DNMBP: variants seen among roughly 807,000 people sequenced by gnomAD.
The protein encoded by DNMBP is dynamin-binding protein.
Under a neutral mutation model 150.0 loss-of-function variants are expected in DNMBP, and 87 were observed. The observed-to-expected ratio is 0.58, with a 90% CI of 0.49 to 0.69. DNMBP has a LOEUF of 0.69. Ranked by LOEUF, DNMBP falls within the 30% of genes least tolerant of loss-of-function variation. The probability of loss-of-function intolerance (pLI) is 0.00; values close to 1 mark genes in which losing one functional copy is unlikely to be tolerated. For missense variants in DNMBP, 1,774 were observed against 1,949.0 expected (o/e 0.91, Z 1.69); for synonymous variants, 711 against 750.4 (o/e 0.95, Z 0.86).
intron 3 of DNMBP, among the ~76,000 whole-genome samples, chr10:99,958,734 G>A (rs2040527442): frequency 6.6e-6 from 1 of 152,206 alleles, no homozygotes; most frequent in Admixed American, 6.5e-5. Context: ...GAATAACTGA[G>A]TAGCTAATTG....
In DNMBP at chr10:99,972,149, C is replaced by A; in HGVS notation, c.-10-15G>T. ...TGTTTTATAACCTGGAAAGATAGAT[C>A]AAGAGAAATAGAAAACATCAATATT... On this transcript the variant is annotated splice_polypyrimidine_tract_variant and intron_variant, in intron 1 of 16. Coordinates refer to ENST00000324109, the MANE Select transcript of DNMBP (RefSeq NM_015221.4). 1 of 1,596,820 alleles carries A rather than the reference C, an allele frequency of 6.3e-7. No individual in the cohort carries two copies. The highest frequency in any genetic ancestry group is 1.1e-5 in the South Asian group (1 of 88,170).
At chr10:99,920,079 A>AT (rs567625840) in intron 4 of DNMBP, among the ~76,000 whole-genome samples, 8,702 of 145,658 alleles carry the variant, frequency 0.06, 274 homozygotes, top group South Asian at 0.11. Context: ...CTATATTTCC[A>AT]TTTTTTTTTT....
chr10:99,903,340 G>GT (rs1167165766), intron 6 of DNMBP, among the ~76,000 whole-genome samples: 52 of 148,902 alleles, frequency 3.5e-4, no homozygotes, highest in South Asian at 1.1e-3. Flanking sequence ...TTTTTGTTTT[G>GT]TTTTTTTTTA....
Position 99,886,527 on chromosome 10 carries a change from A to C in DNMBP, c.3391T>G (p.Phe1131Val), listed in dbSNP as rs929643367. The C allele has an allele frequency of 1.2e-6, 2 of 1,614,078 alleles. No homozygotes were observed. Among genetic ancestry groups the C allele is most frequent in the Non-Finnish European group, 1.7e-6 (2 of 1,180,052 alleles). ...TCTGCCCGTTCTGTACAGTTATAGAAGTCCAGGAGCTTGTCAAAGCGTTTC... is the reference window on the plus strand; with the variant it reads ...TCTGCCCGTTCTGTACAGTTATAGACGTCCAGGAGCTTGTCAAAGCGTTTC... ...VQKRFDKLLD[F>V]YNCTERAEKL... The change falls in exon 13 of 17, where the codon TTC becomes GTC. Residue 1131 changes from phenylalanine (F) to valine (V), a missense_variant. Phe to Val is a conservative substitution (Grantham distance 50). Around this residue, in one of 2 missense-constraint regions of DNMBP, gnomAD observed 1,430 missense variants for 1,492.5 expected, o/e 0.96. Coordinates refer to ENST00000324109, the MANE Select transcript of DNMBP (RefSeq NM_015221.4).
At chr10:99,982,994 C>A (rs950237983) in intron 1 of DNMBP, among the ~76,000 whole-genome samples, 1 of 151,948 alleles carries the variant, frequency 6.6e-6, no homozygotes, top group Non-Finnish European at 1.5e-5. Context: ...TCTGGGGTCC[C>A]AGAACAAAAC....
At chr10:99,938,826 G>C (rs1589429037) in intron 4 of DNMBP, among the ~76,000 whole-genome samples, 2 of 152,158 alleles carry the variant, frequency 1.3e-5, no homozygotes, top group African/African-American at 4.8e-5. Flanking sequence ...CTCAATGGTA[G>C]GACTGCTGGT....
At chr10:99,923,199 GACA>G (rs1417538853) in intron 4 of DNMBP, among the ~76,000 whole-genome samples, 9 of 152,244 alleles carry the variant, frequency 5.9e-5, no homozygotes, top group South Asian at 2.1e-4. Flanking sequence ...CTCCAGCCTA[GACA>G]ACATGGTGAA....
chr10:99,990,850 C>CAT (rs1279406595), intron 1 of DNMBP, among the ~76,000 whole-genome samples: 15 of 57,090 alleles, frequency 2.6e-4, no homozygotes, highest in African/African-American at 1.0e-3. Flanking sequence ...CACACACACA[C>CAT]ACATATATAT....
At chr10:99,948,143 G>A (rs1224086291) in intron 4 of DNMBP, among the ~76,000 whole-genome samples, 1 of 152,104 alleles carries the variant, frequency 6.6e-6, no homozygotes, top group Admixed American at 6.5e-5. Context: ...ATCAGGTAGA[G>A]AATATTTTTA....
At chr10:99,913,979 T>G (rs761059130) in intron 4 of DNMBP, 3 of 1,478,720 alleles carry the variant, frequency 2.0e-6, no homozygotes, top group Non-Finnish European at 1.8e-6. Context: ...TGGCTGTGTG[T>G]GGAGGTGTGG....
chr10:99,969,382 G>T, intron 2 of DNMBP, 145 bp from the exon 3 acceptor site: 1 of 802,290 alleles, frequency 1.2e-6, no homozygotes, highest in South Asian at 1.9e-5. Context: ...GAATCTGTTG[G>T]AGAAGAAGTA....
chr10:99,966,163 T>C (rs1317632370), intron 3 of DNMBP, among the ~76,000 whole-genome samples: 2 of 152,164 alleles, frequency 1.3e-5, no homozygotes, highest in East Asian at 3.9e-4. Context: ...TGTTTCCAAA[T>C]TAAAAGACAG....
chr10:99,998,861 G>GT (rs2040980984), intron 1 of DNMBP, among the ~76,000 whole-genome samples: 1 of 152,180 alleles, frequency 6.6e-6, no homozygotes, highest in African/African-American at 2.4e-5. Context: ...CAGAAACCAA[G>GT]TTAGCTTTTT....
At chr10:99,924,150 G>A (rs900828725) in intron 4 of DNMBP, among the ~76,000 whole-genome samples, 1 of 151,498 alleles carries the variant, frequency 6.6e-6, no homozygotes. Flanking sequence ...TAAGGCTCCA[G>A]GCCGGGTGCG....
intron 1 of DNMBP, among the ~76,000 whole-genome samples, chr10:99,996,242 T>TG (rs1171964053): frequency 2.0e-5 from 3 of 152,288 alleles, no homozygotes; most frequent in Admixed American, 2.0e-4. Flanking sequence ...ACCCAAAGGC[T>TG]GGGGGCGGTG....
intron 2 of DNMBP, among the ~76,000 whole-genome samples, chr10:99,971,731 T>C (rs1178143270): frequency 6.6e-6 from 1 of 151,864 alleles, no homozygotes; most frequent in Non-Finnish European, 1.5e-5. Flanking sequence ...TCTCACCATG[T>C]TGGCCAGGCT....
chr10:99,957,241 C>A (rs370152460), intron 3 of DNMBP, 36 bp from the exon 4 acceptor site: 1 of 1,561,148 alleles, frequency 6.4e-7, no homozygotes, highest in South Asian at 1.1e-5. Context: ...TGACCTCAGT[C>A]ATCACCCAGC....
intron 4 of DNMBP, among the ~76,000 whole-genome samples, chr10:99,933,600 A>T (rs1478990368): frequency 6.6e-6 from 1 of 152,196 alleles, no homozygotes; most frequent in Non-Finnish European, 1.5e-5. Context: ...AGTGGGAGTT[A>T]TGGCACGCTT....
intron 1 of DNMBP, among the ~76,000 whole-genome samples, chr10:100,006,941 C>CCG (rs1207539349): frequency 6.6e-6 from 1 of 152,054 alleles, no homozygotes; most frequent in Non-Finnish European, 1.5e-5. Context: ...TAGTGAAACC[C>CCG]CGCGTCTACT....
Sources: gnomAD v4.1 joint callset for allele counts (sites outside exome capture counted in the v4.1 genomes callset) on GRCh38, gnomAD v4.1.1 for gene constraint, gnomAD v4.1.1 regional missense constraint, MANE v1.5 for transcripts, NCBI Gene and HGNC (gene_info 2026-07-23, HGNC 2026-07-21) for gene names.